PLIN1: variants seen among roughly 807,000 people sequenced by gnomAD.
PLIN1 encodes the protein perilipin 1.
In PLIN1, 37 loss-of-function variants were observed where a neutral mutation model predicts 45.8. The observed-to-expected ratio is 0.81, with a 90% CI of 0.62 to 1.06. The LOEUF is 1.06. Ranked by LOEUF, PLIN1 falls within the 50% of genes least tolerant of loss-of-function variation. The probability of loss-of-function intolerance (pLI) is 0.00; values close to 1 mark genes in which losing one functional copy is unlikely to be tolerated. For synonymous variants in PLIN1, 340 were observed against 309.2 expected (o/e 1.10, Z -1.05); for missense variants, 776 against 716.5 (o/e 1.08, Z -0.95).
Position 89,667,077 on chromosome 15 carries a change from A to G in PLIN1, c.1068T>C (p.Ala356=). ...TISAVTWAPA[A]VLGMAGRVLH... is the part of the protein sequence containing the mutation. ...GCACCCTCCCTGCCATGCCCAGCACAGCTGCAGGTGCCCATGTCACAGCCG... is the reference window on the plus strand; with the variant it reads ...GCACCCTCCCTGCCATGCCCAGCACGGCTGCAGGTGCCCATGTCACAGCCG... Residue 356 remains alanine, a synonymous_variant, in exon 8 of 9, where the codon GCT becomes GCC. Transcript: ENST00000300055. 9 of 1,614,142 alleles carry G rather than the reference A, an allele frequency of 5.6e-6. No individual in the cohort carries two copies. Among genetic ancestry groups the G allele is most frequent in the Non-Finnish European group, 7.6e-6 (9 of 1,180,012 alleles).
At chr15:89,671,033 A>G (rs987822698) in intron 4 of PLIN1, among the ~76,000 whole-genome samples, 21 of 152,206 alleles carry the variant, frequency 1.4e-4, no homozygotes, top group Non-Finnish European at 3.1e-4. Context: ...CAACTACCCA[A>G]TAAATATGTA....
At position 89,671,697 on chromosome 15, in the gene PLIN1, C is replaced by A. The variant is rs891205884; in HGVS notation, c.251-133G>T. 6.0e-5 allele frequency: 45 copies of A among 751,472 alleles called. No homozygotes were observed. The South Asian group carries it at 6.5e-4, about 11-fold the overall frequency. The allele number at this position is 751,472 out of a possible 1,614,324, so 46.6% of individuals were successfully genotyped here. ...GCTGCCTCCCCAGCATCTCTGGGCCCCAGGCCCTTTGCCCTCTTTCGCCCT... is the reference window on the plus strand; with the variant it reads ...GCTGCCTCCCCAGCATCTCTGGGCCACAGGCCCTTTGCCCTCTTTCGCCCT... On this transcript the variant is annotated intron_variant, in intron 3 of 8. Transcript: ENST00000300055.
At chr15:89,675,125 AAAAC>A (rs912220838) in intron 2 of PLIN1, among the ~76,000 whole-genome samples, 4 of 152,094 alleles carry the variant, frequency 2.6e-5, no homozygotes, top group African/African-American at 7.2e-5. Flanking sequence ...CAAAAAACAA[AAAAC>A]AAACAAACAA....
chr15:89,671,671 T>G (rs1964443715), intron 3 of PLIN1, 107 bp from the exon 4 acceptor site: 1 of 829,994 alleles, frequency 1.2e-6, no homozygotes, highest in African/African-American at 1.7e-5. Context: ...TCCCAAGGCC[T>G]GCTGCCTCCC....
At chr15:89,676,441 G>A (rs1206467704) in intron 2 of PLIN1, among the ~76,000 whole-genome samples, 2 of 152,086 alleles carry the variant, frequency 1.3e-5, no homozygotes, top group Non-Finnish European at 2.9e-5. Context: ...TAGAGATGGG[G>A]TTTCACTGTG....
At chr15:89,677,249 T>G in intron 2 of PLIN1, 196 bp downstream of exon 2, 1 of 631,268 alleles carries the variant, frequency 1.6e-6, no homozygotes, top group Non-Finnish European at 2.9e-6. Context: ...ATAGGCATCT[T>G]TTTTTCCCCT....
intron 3 of PLIN1, 56 bp downstream of exon 3, chr15:89,673,154 G>T: frequency 7.6e-7 from 1 of 1,307,542 alleles, no homozygotes; most frequent in South Asian, 1.3e-5. Context: ...CGGACAGACA[G>T]ACTGGAAGGT....
intron 6 of PLIN1, among the ~76,000 whole-genome samples, chr15:89,668,095 C>G (rs1426856913): frequency 6.6e-6 from 1 of 152,212 alleles, no homozygotes; most frequent in African/African-American, 2.4e-5. Flanking sequence ...CCACATTCCC[C>G]CAAGAGTGAC....
chr15:89,673,891 G>A lies in PLIN1; in HGVS notation c.46-477C>T, dbSNP rs140608730. On this transcript the variant is annotated intron_variant, in intron 2 of 8. Transcript: ENST00000300055. ...GCTCACCTTCCCTCCCACAGCCCTT[G>A]CTGCCTGGCAGAATGCCATTCCTTC... is the stretch of plus-strand genomic sequence containing the variant. Among the ~76,000 whole-genome samples the A allele has an allele frequency of 2.2e-3, 328 of 152,308 alleles. 1 individual carries two copies. The highest frequency in any genetic ancestry group is 3.3e-3 in the Non-Finnish European group (224 of 68,032).
intron 3 of PLIN1, 30 bp downstream of exon 3, chr15:89,673,180 A>C: frequency 1.3e-6 from 2 of 1,491,622 alleles, no homozygotes; most frequent in Non-Finnish European, 1.8e-6. Context: ...GTGAACAAGC[A>C]GGCAGCTGCT....
chr15:89,667,052 G>GC lies in PLIN1; in HGVS notation c.1092dup (p.Leu365AlafsTer28), dbSNP rs1964356090. On this transcript the variant is annotated frameshift_variant, in exon 8 of 9. Coordinates refer to ENST00000300055, the MANE Select transcript of PLIN1 (RefSeq NM_002666.5). LOFTEE classifies it high-confidence loss of function. ...ACAGCAGGGGCTGGTGTGAGGTGCAGCACCCTCCCTGCCATGCCCAGCACA... is the reference window on the plus strand; with the variant it reads ...ACAGCAGGGGCTGGTGTGAGGTGCAGCCACCCTCCCTGCCATGCCCAGCACA... 1 of 1,614,004 alleles carries GC rather than the reference G, an allele frequency of 6.2e-7. No individual in the cohort carries two copies.
chr15:89,664,673 T>C lies in PLIN1; in HGVS notation c.*910A>G, dbSNP rs1964302957. 1 of 369,686 alleles carries C rather than the reference T, an allele frequency of 2.7e-6. No individual in the cohort carries two copies. The highest frequency in any genetic ancestry group is 5.4e-6 in the Non-Finnish European group (1 of 186,662). The allele number at this position is 369,686 out of a possible 1,614,324, so 22.9% of individuals were successfully genotyped here. A position where few individuals can be genotyped will look rare whatever the true frequency, so the allele number is the denominator to read the frequency against. On this transcript the variant is annotated 3_prime_UTR_variant, in exon 9 of 9. Transcript: ENST00000300055. ...TGCATAGCCCTGCATACACAAGAGA[T>C]GGCACCGTGGTGGTTTTCAATGAAG...
chr15:89,673,061 T>C (rs1315873694), intron 3 of PLIN1, 149 bp downstream of exon 3: 8 of 689,088 alleles, frequency 1.2e-5, no homozygotes, highest in Non-Finnish European at 2.1e-5. Context: ...TTTATAGCCA[T>C]AGATAAGAAG....
At chr15:89,678,775 G>A (rs1283555010) in intron 1 of PLIN1, among the ~76,000 whole-genome samples, 1 of 152,016 alleles carries the variant, frequency 6.6e-6, no homozygotes. Flanking sequence ...CAAGTTAAAG[G>A]TTTCATCTTT....
At chr15:89,678,448 T>C (rs1023615812) in intron 1 of PLIN1, among the ~76,000 whole-genome samples, 16 of 151,498 alleles carry the variant, frequency 1.1e-4, no homozygotes, top group Non-Finnish European at 2.2e-4. Flanking sequence ...AGGTGGAGGT[T>C]GCAGTGAGCT....
At chr15:89,666,365 C>T (rs1012708254) in intron 8 of PLIN1, among the ~76,000 whole-genome samples, 1 of 152,078 alleles carries the variant, frequency 6.6e-6, no homozygotes, top group African/African-American at 2.4e-5. Context: ...ACTGAGTAAC[C>T]CACCCCCTTA....
chr15:89,676,405 A>G (rs369637270), intron 2 of PLIN1, among the ~76,000 whole-genome samples: 8 of 151,552 alleles, frequency 5.3e-5, no homozygotes, highest in Admixed American at 2.0e-4. Flanking sequence ...CCGCCACCAT[A>G]CCCCGCTGAT....
Position 89,665,586 on chromosome 15 carries a change from G to A in PLIN1, c.1566C>T (p.Ser522=), listed in dbSNP as rs1167812945. 1.6e-5 allele frequency: 24 copies of A among 1,527,106 alleles called. No homozygotes were observed. Among genetic ancestry groups the A allele is most frequent in the African/African-American group, 4.2e-5 (3 of 71,754 alleles). 94.6% of individuals were successfully genotyped at this position (1,527,106 alleles called of 1,614,324 possible). A position where few individuals can be genotyped will look rare whatever the true frequency, so the allele number is the denominator to read the frequency against. The stretch of plus-strand genomic sequence containing the variant: ...GCGCGGCGGCTGGTGCGGCGACTCA[G>A]CTCTTCTTGCGCAGCTGGCTGTAAT... The part of the protein sequence containing the change: ...RTHYSQLRKK[S] Residue 522 remains serine (S), a synonymous_variant, in exon 9 of 9, where the codon AGC becomes AGT. Coordinates refer to ENST00000300055, the MANE Select transcript of PLIN1 (RefSeq NM_002666.5).
rs1211252150 is a variant in PLIN1 at position 89,665,144 on chromosome 15, T to C, written c.*439A>G. On this transcript the variant is annotated 3_prime_UTR_variant, in exon 9 of 9. Transcript: ENST00000300055. ...CCTAGATCACAGAGGAGTTCAGTGC[T>C]AAGAATGTGTCAAAACCTTCTGTCT... 3.5e-6 allele frequency: 1 copy of C among 288,112 alleles called. No individual in the cohort carries two copies. Among genetic ancestry groups the C allele is most frequent in the Non-Finnish European group, 6.9e-6 (1 of 143,910 alleles). The allele number at this position is 288,112 out of a possible 1,614,324, so 17.8% of individuals were successfully genotyped here.
Sources: gnomAD v4.1 joint callset for allele counts (sites outside exome capture counted in the v4.1 genomes callset) on GRCh38, gnomAD v4.1.1 for gene constraint, MANE v1.5 for transcripts, NCBI Gene and HGNC (gene_info 2026-07-23, HGNC 2026-07-21) for gene names.